The following PTGER4 variants were observed in gnomAD, a reference collection of about 807,000 sequenced individuals.
The protein encoded by PTGER4 is prostaglandin E receptor 4, also known as prostaglandin E2 receptor EP4 subtype.
PTGER4 carries 11 observed loss-of-function variants against 33.2 expected under a neutral mutation model. The ratio of observed to expected loss-of-function variants is 0.33; its 90% confidence interval spans 0.21 to 0.55. The LOEUF (loss-of-function observed/expected upper bound fraction) is 0.55. Among genes scored for constraint, PTGER4 ranks in the 20% least tolerant of loss-of-function variants. The pLI is 0.92. For synonymous variants in PTGER4, 275 were observed against 281.5 expected, an observed-to-expected ratio of 0.98 and a Z score of 0.23; for missense variants, 481 against 650.2, an observed-to-expected ratio of 0.74 and a Z score of 2.83.
At chr5:40,741,619 C>A in the PTGER4 span, among the ~76,000 whole-genome samples, 2 of 152,188 alleles carry the variant, frequency 1.3e-5, no homozygotes, top group African/African-American at 4.8e-5. Flanking sequence ...CATCTCCTCA[C>A]GCAGCAAGAC....
the PTGER4 span, among the ~76,000 whole-genome samples, chr5:40,703,205 C>A: frequency 7.6e-6 from 1 of 131,408 alleles, no homozygotes. Flanking sequence ...TCAACAAATC[C>A]AGGGGTTGGT....
At chr5:40,696,968 A>AGAG (rs1554024511), downstream of PTGER4, among the ~76,000 whole-genome samples, 1 of 104,494 alleles carries the variant, frequency 9.6e-6, no homozygotes, top group Non-Finnish European at 1.9e-5. Context: ...GAGAGAAAGA[A>AGAG]AGAGAGAGAG....
the PTGER4 span, among the ~76,000 whole-genome samples, chr5:40,727,789 A>T: frequency 6.6e-6 from 1 of 152,022 alleles, no homozygotes; most frequent in African/African-American, 2.4e-5. Context: ...TTTATGTTAA[A>T]TTTTTTTTAA....
chr5:40,724,029 G>A, the PTGER4 span, among the ~76,000 whole-genome samples: 7 of 152,060 alleles, frequency 4.6e-5, no homozygotes, highest in Non-Finnish European at 8.8e-5. Context: ...CTCATTTCTG[G>A]ATATTTATCC....
intron 2 of PTGER4, among the ~76,000 whole-genome samples, chr5:40,682,649 T>C (rs145645896): frequency 2.7e-3 from 404 of 152,276 alleles, no homozygotes; most frequent in African/African-American, 9.3e-3. Context: ...CTGATATACA[T>C]AGGGTATGGG....
the PTGER4 span, among the ~76,000 whole-genome samples, chr5:40,710,563 C>A: frequency 6.6e-6 from 1 of 152,176 alleles, no homozygotes; most frequent in African/African-American, 2.4e-5. Flanking sequence ...TTGACCCAGC[C>A]ATCCCATTAC....
rs1741144046 is a variant in PTGER4 at position 40,679,978 on chromosome 5, C to A, written c.-544C>A. ...GCAGCCCGAGAGGAAGATGAACAGCCCCAGGCCAGAGCCTCTGGCAGAGTG... is the reference window on the plus strand; with the variant it reads ...GCAGCCCGAGAGGAAGATGAACAGCACCAGGCCAGAGCCTCTGGCAGAGTG... On this transcript the variant is annotated 5_prime_UTR_variant, in exon 1 of 3. Transcript: ENST00000302472. 6.5e-6 allele frequency: 1 copy of A among 152,830 alleles called. No individual in the cohort carries two copies. The highest frequency in any genetic ancestry group is 1.9e-4 in the East Asian group (1 of 5,254). 9.5% of individuals were successfully genotyped at this position (152,830 alleles called of 1,614,324 possible).
chr5:40,743,773 C>CA, the PTGER4 span, among the ~76,000 whole-genome samples: 1 of 151,762 alleles, frequency 6.6e-6, no homozygotes, highest in Admixed American at 6.6e-5. Context: ...GACTCCACCT[C>CA]AAAAAAATAT....
chr5:40,697,290 G>GAA (rs915446310), downstream of PTGER4, among the ~76,000 whole-genome samples: 2 of 137,268 alleles, frequency 1.5e-5, no homozygotes, highest in African/African-American at 5.2e-5. Context: ...AAGAAAGAAA[G>GAA]AAAGAAAAAG....
downstream of PTGER4, chr5:40,696,538 C>G: frequency 2.7e-6 from 1 of 374,984 alleles, no homozygotes; most frequent in Non-Finnish European, 3.7e-6. Context: ...GGTGCTTTAG[C>G]CCCAAACTGG....
chr5:40,727,188 G>A, the PTGER4 span, among the ~76,000 whole-genome samples: 1 of 152,236 alleles, frequency 6.6e-6, no homozygotes, highest in Admixed American at 6.5e-5. Context: ...TAAAACCACT[G>A]TTAGTAAGTT....
At chr5:40,718,342 G>T in the PTGER4 span, among the ~76,000 whole-genome samples, 1 of 152,122 alleles carries the variant, frequency 6.6e-6, no homozygotes, top group Non-Finnish European at 1.5e-5. Flanking sequence ...GGAGGCAGAG[G>T]TTACAGTGAG....
chr5:40,732,112 A>G, the PTGER4 span, among the ~76,000 whole-genome samples: 1 of 152,178 alleles, frequency 6.6e-6, no homozygotes, highest in Admixed American at 6.5e-5. Flanking sequence ...CTTGGGCTCA[A>G]GGGCCTCCCA....
At position 40,681,758 on chromosome 5, in the gene PTGER4, G is replaced by A. The variant is rs564360987; in HGVS notation, c.765G>A (p.Arg255=). ...CCTTGCCGCGCCTCAGCGACTTTCGGCGCCGCCGGAGCTTCCGCCGCATCG... is the reference window on the plus strand; with the variant it reads ...CCTTGCCGCGCCTCAGCGACTTTCGACGCCGCCGGAGCTTCCGCCGCATCG... ...SPALPRLSDF[R]RRRSFRRIAG... is the part of the protein sequence containing the mutation. Residue 255 remains arginine (R), a synonymous_variant, in exon 2 of 3, where the codon CGG becomes CGA. Transcript: ENST00000302472. This position sits in a 1 kb window ranked among gnomAD's most constrained non-coding sequence, Gnocchi z 9.8. The A allele has an allele frequency of 1.9e-6, 3 of 1,595,400 alleles. No individual in the cohort carries two copies. The South Asian group carries it at 3.4e-5, about 18-fold the overall frequency.
At chr5:40,694,011 A>G (rs913629941), downstream of PTGER4, among the ~76,000 whole-genome samples, 1 of 152,146 alleles carries the variant, frequency 6.6e-6, no homozygotes, top group African/African-American at 2.4e-5. Context: ...AGCATATTTT[A>G]AATTTTGCAG....
the PTGER4 span, among the ~76,000 whole-genome samples, chr5:40,731,772 T>G: frequency 2.6e-5 from 4 of 152,162 alleles, no homozygotes; most frequent in Non-Finnish European, 5.9e-5. Flanking sequence ...TTCCTACTCC[T>G]CTTCATCTAT....
At chr5:40,738,567 TATAAAATA>T in the PTGER4 span, among the ~76,000 whole-genome samples, 2 of 67,592 alleles carry the variant, frequency 3.0e-5, no homozygotes, top group African/African-American at 1.0e-4. Flanking sequence ...TAAAATAAAA[TATAAAATA>T]AAATAAAATA....
At chr5:40,706,332 G>C in the PTGER4 span, among the ~76,000 whole-genome samples, 1 of 152,114 alleles carries the variant, frequency 6.6e-6, no homozygotes, top group Non-Finnish European at 1.5e-5. Flanking sequence ...ACCTGAGTGG[G>C]GAGGGTGGCA....
the PTGER4 span, among the ~76,000 whole-genome samples, chr5:40,744,487 G>GT: frequency 0.53 from 71,926 of 136,396 alleles, 19,057 homozygotes; most frequent in Admixed American, 0.61. Context: ...ACTCTTACCA[G>GT]TTTTTTTTTT....
Sources: gnomAD v4.1 joint callset for allele counts (sites outside exome capture counted in the v4.1 genomes callset) on GRCh38, gnomAD v4.1.1 for gene constraint, Gnocchi (gnomAD v3.1) non-coding constraint, MANE v1.5 for transcripts, NCBI Gene and HGNC (gene_info 2026-07-23, HGNC 2026-07-21) for gene names.